LYRM4: variants seen among roughly 807,000 people sequenced by gnomAD.
LYRM4 encodes the protein LYR motif containing 4.
LYRM4 carries 9 observed loss-of-function variants against 11.7 expected under a neutral mutation model. The ratio of observed to expected loss-of-function variants is 0.77; its 90% CI spans 0.46 to 1.34. LYRM4 has a LOEUF of 1.34. Among genes scored for constraint, LYRM4 ranks in the 40% most tolerant of loss-of-function variants. The pLI, the probability that LYRM4 is intolerant of heterozygous loss-of-function variation, is 0.00. For synonymous variants in LYRM4, 42 were observed against 40.4 expected (o/e 1.04, Z -0.15); for missense variants, 133 against 112.5 (o/e 1.18, Z -0.82).
chr6:5,057,954 G>T, the LYRM4 span, among the ~76,000 whole-genome samples: 1 of 151,956 alleles, frequency 6.6e-6, no homozygotes, highest in Non-Finnish European at 1.5e-5. Context: ...GTCACTTTAT[G>T]TTGCCCAGGC....
At chr6:5,058,483 G>C in the LYRM4 span, among the ~76,000 whole-genome samples, 1 of 152,152 alleles carries the variant, frequency 6.6e-6, no homozygotes, top group Non-Finnish European at 1.5e-5. Context: ...ACCTGGGGGA[G>C]CTTCTGCACC....
At chr6:5,216,319 T>C (rs562551098) in intron 2 of LYRM4, among the ~76,000 whole-genome samples, 4 of 152,354 alleles carry the variant, frequency 2.6e-5, no homozygotes, top group Admixed American at 6.5e-5. Flanking sequence ...ACATGTGCGA[T>C]ACATCTTACA....
intron 2 of LYRM4, among the ~76,000 whole-genome samples, chr6:5,112,363 G>A (rs1762921980): frequency 6.6e-6 from 1 of 151,846 alleles, no homozygotes; most frequent in African/African-American, 2.4e-5. Flanking sequence ...CAGCAGATCT[G>A]TGATGAGCGA....
chr6:5,260,598 T>TGCCCGGG, intron 1 of LYRM4, 50 bp downstream of exon 1: 7 of 1,105,564 alleles, frequency 6.3e-6, no homozygotes, highest in Non-Finnish European at 9.1e-6. Context: ...GCACCCCCGG[T>TGCCCGGG]CCCCGGCCCC....
intron 2 of LYRM4, among the ~76,000 whole-genome samples, chr6:5,203,733 G>C (rs1231653852): frequency 1.3e-5 from 2 of 152,180 alleles, no homozygotes; most frequent in East Asian, 3.9e-4. Flanking sequence ...ATTATAACAA[G>C]AACAGCATGC....
rs147411772 is a variant in LYRM4 at position 5,196,434 on chromosome 6, C to T, written c.207+20184G>A. On this transcript the variant is annotated intron_variant, in intron 2 of 2. Transcript: ENST00000330636. ...TCAAGAGTCCAAACATGGACTCAGA[C>T]GGCCCTGAGTTGAGTTCCAGCTCTG... 6.4e-3 allele frequency among the ~76,000 whole-genome samples: 973 copies of T among 152,296 alleles called. 4 individuals carry two copies. The highest frequency in any genetic ancestry group is 0.022 in the African/African-American group (919 of 41,564).
At chr6:5,176,016 C>T (rs1180151887) in intron 2 of LYRM4, among the ~76,000 whole-genome samples, 1 of 152,050 alleles carries the variant, frequency 6.6e-6, no homozygotes, top group Non-Finnish European at 1.5e-5. Context: ...GCATTCCCGG[C>T]CCAGATAATC....
chr6:5,195,209 G>A (rs1225615733), intron 2 of LYRM4, among the ~76,000 whole-genome samples: 1 of 152,162 alleles, frequency 6.6e-6, no homozygotes, highest in Admixed American at 6.5e-5. Flanking sequence ...GAGACCTGGA[G>A]GGTGCCAGGT....
chr6:5,061,120 C>G, the LYRM4 span, among the ~76,000 whole-genome samples: 87 of 152,306 alleles, frequency 5.7e-4, no homozygotes, highest in Non-Finnish European at 3.7e-4. Flanking sequence ...ATTAAAAAGA[C>G]AGTTAATTAA....
At chr6:5,254,298 G>C (rs1009871928) in intron 1 of LYRM4, among the ~76,000 whole-genome samples, 1 of 152,100 alleles carries the variant, frequency 6.6e-6, no homozygotes, top group African/African-American at 2.4e-5. Flanking sequence ...GAAGCATCTC[G>C]ACAACTTTTT....
intron 1 of LYRM4, chr6:5,218,146 A>C (rs1762383202): frequency 1.4e-6 from 1 of 696,262 alleles, no homozygotes; most frequent in Non-Finnish European, 1.8e-6. Flanking sequence ...GGCTCAAGCT[A>C]TCCTCCTGCC....
chr6:5,136,323 T>C (rs1757094444), intron 2 of LYRM4: 8 of 985,356 alleles, frequency 8.1e-6, no homozygotes, highest in Non-Finnish European at 9.6e-6. Flanking sequence ...TTCTTCTAAA[T>C]GATAACTTGT....
intron 1 of LYRM4, among the ~76,000 whole-genome samples, chr6:5,234,054 C>A (rs1023357413): frequency 2.0e-5 from 3 of 152,182 alleles, no homozygotes; most frequent in Admixed American, 6.5e-5. Flanking sequence ...CGGGTCACCA[C>A]AATTGGCTTT....
chr6:5,079,172 C>A, the LYRM4 span, among the ~76,000 whole-genome samples: 1 of 152,036 alleles, frequency 6.6e-6, no homozygotes, highest in African/African-American at 2.4e-5. Context: ...GCTTACACAC[C>A]CTTTTAACAA....
At chr6:5,191,529 G>A (rs1432227857) in intron 2 of LYRM4, among the ~76,000 whole-genome samples, 2 of 152,182 alleles carry the variant, frequency 1.3e-5, no homozygotes, top group Middle Eastern at 3.2e-3. Flanking sequence ...CTAGGAATGA[G>A]AACTGAGATA....
intron 2 of LYRM4, chr6:5,186,947 G>C (rs1214182697): frequency 3.9e-6 from 2 of 509,410 alleles, no homozygotes; most frequent in South Asian, 1.4e-4. Flanking sequence ...TCGTTCCAAT[G>C]CACTCCAGCC....
intron 2 of LYRM4, among the ~76,000 whole-genome samples, chr6:5,172,166 C>T (rs1335621948): frequency 5.9e-5 from 9 of 152,172 alleles, no homozygotes; most frequent in South Asian, 4.1e-4. Flanking sequence ...AACCACCTGA[C>T]GACAGGCCTA....
chr6:5,138,867 T>G, intron 2 of LYRM4: 2 of 591,220 alleles, frequency 3.4e-6, no homozygotes, highest in Non-Finnish European at 5.8e-6. Context: ...AGAAATGAGA[T>G]TAATCCTTTA....
At chr6:5,173,580 TAACAC>T (rs2127669619) in intron 2 of LYRM4, among the ~76,000 whole-genome samples, 1 of 152,356 alleles carries the variant, frequency 6.6e-6, no homozygotes, top group South Asian at 2.1e-4. Flanking sequence ...TATCCTACAT[TAACAC>T]ATTTGAAATT....
Sources: allele counts gnomAD v4.1 joint callset (sites outside exome capture counted in the v4.1 genomes callset), GRCh38; gene constraint gnomAD v4.1.1; transcripts MANE v1.5; gene names NCBI Gene and HGNC (gene_info 2026-07-23, HGNC 2026-07-21).